Variants in PTPRD observed in about 807,000 individuals in gnomAD.
PTPRD encodes the protein protein tyrosine phosphatase receptor type D, also known as receptor-type tyrosine-protein phosphatase delta.
In PTPRD, 34 loss-of-function variants were observed where a neutral mutation model predicts 214.5. The observed-to-expected ratio is 0.16, with a 90% CI of 0.12 to 0.21. The LOEUF (loss-of-function observed/expected upper bound fraction) is 0.21. Among genes scored for constraint, PTPRD ranks in the 10% least tolerant of loss-of-function variants. The pLI is 1.00. For synonymous variants in PTPRD, 1,128 were observed against 845.7 expected (o/e 1.33, Z -5.79); for missense variants, 2,545 against 2,398.7 (o/e 1.06, Z -1.27).
intron 30 of PTPRD, among the ~76,000 whole-genome samples, chr9:8,473,908 G>A (rs191467678): frequency 3.2e-4 from 48 of 152,300 alleles, no homozygotes; most frequent in Non-Finnish European, 5.6e-4. Flanking sequence ...TAGGGCAGTG[G>A]CAATTTGAAA....
intron 3 of PTPRD, among the ~76,000 whole-genome samples, chr9:10,093,348 C>T (rs1366727136): frequency 6.6e-6 from 1 of 151,506 alleles, no homozygotes; most frequent in African/African-American, 2.4e-5. Context: ...AAAAAATCCT[C>T]ATCATGATGA....
chr9:9,861,684 T>A (rs2062816994), intron 5 of PTPRD, among the ~76,000 whole-genome samples: 1 of 152,254 alleles, frequency 6.6e-6, no homozygotes, highest in South Asian at 2.1e-4. Flanking sequence ...ATATGATTCA[T>A]ATCTTTGCAG....
chr9:9,159,457 A>G (rs552970797), intron 10 of PTPRD, among the ~76,000 whole-genome samples: 1 of 152,298 alleles, frequency 6.6e-6, no homozygotes, highest in African/African-American at 2.4e-5. Context: ...AATCTCATTT[A>G]TAATAGCAAC....
chr9:10,040,821 G>A (rs2097284183), intron 3 of PTPRD, among the ~76,000 whole-genome samples: 1 of 152,118 alleles, frequency 6.6e-6, no homozygotes, highest in African/African-American at 2.4e-5. Flanking sequence ...AAATTGAAAT[G>A]TGTTCTTCCA....
intron 11 of PTPRD, among the ~76,000 whole-genome samples, chr9:8,929,755 A>ATATG (rs1285445116): frequency 5.2e-5 from 3 of 58,090 alleles, no homozygotes; most frequent in South Asian, 5.3e-4. Flanking sequence ...GTATATATAT[A>ATATG]TGTATATATA....
At chr9:9,791,702 C>A (rs2098968589) in intron 5 of PTPRD, among the ~76,000 whole-genome samples, 1 of 152,090 alleles carries the variant, frequency 6.6e-6, no homozygotes, top group Non-Finnish European at 1.5e-5. Flanking sequence ...TCATTTAGAT[C>A]TTACCAACAG....
chr9:10,198,711 T>C (rs572622480), intron 3 of PTPRD, among the ~76,000 whole-genome samples: 2 of 152,258 alleles, frequency 1.3e-5, no homozygotes, highest in South Asian at 4.1e-4. Context: ...ATACCTATTC[T>C]GCAGCAGATT....
intron 14 of PTPRD, among the ~76,000 whole-genome samples, chr9:8,565,900 G>C (rs1472618145): frequency 2.0e-5 from 3 of 152,112 alleles, no homozygotes; most frequent in Non-Finnish European, 4.4e-5. Context: ...CAGTTCAAAT[G>C]CTGTTTGTAT....
intron 36 of PTPRD, among the ~76,000 whole-genome samples, chr9:8,403,775 T>C (rs1472902357): frequency 6.6e-6 from 1 of 152,208 alleles, no homozygotes; most frequent in Non-Finnish European, 1.5e-5. Context: ...TTAATTTATA[T>C]TAACCACCAC....
chr9:9,132,101 G>A (rs945939308), intron 10 of PTPRD, among the ~76,000 whole-genome samples: 13 of 152,144 alleles, frequency 8.5e-5, no homozygotes, highest in African/African-American at 2.9e-4. Flanking sequence ...TCCGCCTCCC[G>A]GGTTCACGCC....
chr9:9,932,059 C>A (rs1457434005), intron 5 of PTPRD, among the ~76,000 whole-genome samples: 6 of 150,656 alleles, frequency 4.0e-5, no homozygotes, highest in African/African-American at 1.5e-4. Context: ...AGGACATCCA[C>A]ACCAAAAACC....
At chr9:10,228,966 T>C (rs1016425325) in intron 3 of PTPRD, among the ~76,000 whole-genome samples, 5 of 152,030 alleles carry the variant, frequency 3.3e-5, no homozygotes, top group Admixed American at 1.3e-4. Flanking sequence ...TGCTTCTTAA[T>C]TCCTCAGTTG....
At chr9:9,917,217 T>G (rs937771297) in intron 5 of PTPRD, among the ~76,000 whole-genome samples, 1 of 138,734 alleles carries the variant, frequency 7.2e-6, no homozygotes, top group Non-Finnish European at 1.6e-5. Flanking sequence ...GTAAACAAAA[T>G]TGATACTAAA....
At chr9:10,214,429 ATT>A (rs35115543) in intron 3 of PTPRD, among the ~76,000 whole-genome samples, 6,646 of 120,734 alleles carry the variant, frequency 0.055, 138 homozygotes, top group Middle Eastern at 0.1. Flanking sequence ...AAGCCCAACT[ATT>A]TTTTTTTTTT....
chr9:9,925,409 TA>T (rs2153893694), intron 5 of PTPRD, among the ~76,000 whole-genome samples: 1 of 152,254 alleles, frequency 6.6e-6, no homozygotes, highest in African/African-American at 2.4e-5. Context: ...GAATGTTTGG[TA>T]TTTAAGGTCT....
At chr9:8,660,674 A>C (rs1264532134) in intron 12 of PTPRD, among the ~76,000 whole-genome samples, 2 of 152,158 alleles carry the variant, frequency 1.3e-5, no homozygotes, top group Admixed American at 6.5e-5. Context: ...TTTCTTCTGC[A>C]ATGACTTCAC....
At chr9:8,884,151 T>G (rs1253397160) in intron 11 of PTPRD, among the ~76,000 whole-genome samples, 2 of 152,248 alleles carry the variant, frequency 1.3e-5, no homozygotes, top group African/African-American at 4.8e-5. Flanking sequence ...AACGCAGTAC[T>G]TATTCAAAAC....
chr9:10,166,133 C>G (rs1227683730), intron 3 of PTPRD, among the ~76,000 whole-genome samples: 1 of 148,364 alleles, frequency 6.7e-6, no homozygotes, highest in Non-Finnish European at 1.5e-5. Flanking sequence ...ATACATAAAC[C>G]TATGTTTTAA....
At chr9:10,513,276 G>C (rs910969552) in intron 2 of PTPRD, among the ~76,000 whole-genome samples, 10 of 152,024 alleles carry the variant, frequency 6.6e-5, no homozygotes, top group Non-Finnish European at 1.3e-4. Flanking sequence ...GTAGTTACCA[G>C]TATGAGGAAT....
Sources: gnomAD v4.1 joint callset for allele counts (sites outside exome capture counted in the v4.1 genomes callset) on GRCh38, gnomAD v4.1.1 for gene constraint, MANE v1.5 for transcripts, NCBI Gene and HGNC (gene_info 2026-07-23, HGNC 2026-07-21) for gene names.